RIC8A: variants seen among roughly 807,000 people sequenced by gnomAD.
RIC8A encodes RIC8 guanine nucleotide exchange factor A.
RIC8A carries 37 observed loss-of-function variants against 48.4 expected under a neutral mutation model. That is an observed-to-expected ratio of 0.77 (90% CI 0.59 to 1.01). The LOEUF is 1.01. Among genes scored for constraint, RIC8A ranks in the 50% least tolerant of loss-of-function variants. The pLI, the probability that RIC8A is intolerant of heterozygous loss-of-function variation, is 0.00. For synonymous variants in RIC8A, 288 were observed against 283.4 expected, an observed-to-expected ratio of 1.02 and a Z score of -0.16; for missense variants, 681 against 696.8, an observed-to-expected ratio of 0.98 and a Z score of 0.25.
At chr11:213,993 A>G (rs1855457264) in intron 9 of RIC8A, among the ~76,000 whole-genome samples, 1 of 152,180 alleles carries the variant, frequency 6.6e-6, no homozygotes, top group Non-Finnish European at 1.5e-5. Flanking sequence ...GAGATGGCCC[A>G]GTGTCCAAAT....
Position 208,974 on chromosome 11 carries a change from AG to A in RIC8A, c.84+41del, listed in dbSNP as rs767713984. On this transcript the variant is annotated intron_variant, in intron 1 of 9. Coordinates refer to ENST00000526104, the MANE Select transcript of RIC8A (RefSeq NM_001286134.2). The surrounding 1 kb of genome is among the most constrained non-coding windows in gnomAD (Gnocchi z 4.8). ...GCCTGAGGCCGGGGGGCGGGCACGG[AG>A]GGGGTGGGGCAGGGTCGTGCGCGGG... is the stretch of plus-strand genomic sequence containing the variant. The A allele has an allele frequency of 1.5e-5, 6 of 396,534 alleles. No individual in the cohort carries two copies. The African/African-American group carries it at 1.7e-4, about 11-fold the overall frequency. 24.6% of individuals were successfully genotyped at this position (396,534 alleles called of 1,614,324 possible).
At position 209,990 on chromosome 11, in the gene RIC8A, A is replaced by G; in HGVS notation, c.716A>G (p.Glu239Gly). The G allele has an allele frequency of 1.3e-6, 2 of 1,584,422 alleles. No homozygotes were observed. Among genetic ancestry groups the G allele is most frequent in the East Asian group, 2.2e-5 (1 of 44,600 alleles). The change falls in exon 3 of 10, where the codon GAG (glutamate) becomes GGG (glycine). Residue 239 changes from glutamate (E) to glycine (G), a missense_variant. Transcript: ENST00000526104. ...ATCACCCTGGACTCCATCAAGGGGG[A>G]GGTGGACGAGGTGAGCACTGACCTT... Reference protein sequence around the residue: ...FNITLDSIKGEVDEEDAALYR... With the variant: ...FNITLDSIKGGVDEEDAALYR...
At chr11:210,986 G>C (rs1855342740) in intron 4 of RIC8A, 5 of 612,184 alleles carry the variant, frequency 8.2e-6, no homozygotes, top group Non-Finnish European at 1.1e-5. Flanking sequence ...GAGGCAGTGT[G>C]TCTCAGTGCC....
chr11:212,704 C>T lies in RIC8A; in HGVS notation c.1155C>T (p.Asp385=). 6.2e-7 allele frequency: 1 copy of T among 1,614,090 alleles called. No individual in the cohort carries two copies. Among genetic ancestry groups the T allele is most frequent in the Non-Finnish European group, 8.5e-7 (1 of 1,180,030 alleles). The change falls in exon 7 of 10, where the codon GAC becomes GAT. Residue 385 remains aspartate, a synonymous_variant. Transcript: ENST00000526104. ...TTGTCCGCCTCATGACACACCTGGA[C>T]ACAGATGTGAAGAGGGTGGCTGCCG... ...NKLVRLMTHL[D]TDVKRVAAEF...
Position 208,959 on chromosome 11 carries a change from G to T in RIC8A, c.84+21G>T. 1 of 1,578,956 alleles carries T rather than the reference G, an allele frequency of 6.3e-7. No homozygotes were observed. The highest frequency in any genetic ancestry group is 8.6e-7 in the Non-Finnish European group (1 of 1,159,462). On this transcript the variant is annotated intron_variant, in intron 1 of 9. Coordinates refer to ENST00000526104, the MANE Select transcript of RIC8A (RefSeq NM_001286134.2). The surrounding 1 kb of genome is among the most constrained non-coding windows in gnomAD (Gnocchi z 4.8). Reference sequence around the variant, plus strand: ...AGGAGGTAAGCGGCCGCCTGAGGCCGGGGGGCGGGCACGGAGGGGGTGGGG... The same window carrying T: ...AGGAGGTAAGCGGCCGCCTGAGGCCTGGGGGCGGGCACGGAGGGGGTGGGG...
In RIC8A at chr11:207,795, A is replaced by C. The variant is rs1000980696; in HGVS notation, c.-1060A>C. On this transcript the variant is annotated 5_prime_UTR_variant, in exon 1 of 10. Coordinates refer to ENST00000526104, the MANE Select transcript of RIC8A (RefSeq NM_001286134.2). Reference sequence around the variant, plus strand: ...AAGGATTCACAGGCGGGTCATGAGGAAGGAGCAGACCCCTCGGGCAGAAGC... The same window carrying C: ...AAGGATTCACAGGCGGGTCATGAGGCAGGAGCAGACCCCTCGGGCAGAAGC... 5 of 159,332 alleles carry C rather than the reference A, an allele frequency of 3.1e-5. No individual in the cohort carries two copies. Among genetic ancestry groups the C allele is most frequent in the African/African-American group, 1.2e-4 (5 of 41,482 alleles). The allele number at this position is 159,332 out of a possible 1,614,324, so 9.9% of individuals were successfully genotyped here. A position where few individuals can be genotyped will look rare whatever the true frequency, so the allele number is the denominator to read the frequency against.
In RIC8A at chr11:209,498, G is replaced by A; in HGVS notation, c.224G>A (p.Arg75Gln). The change falls in exon 3 of 10, where the codon CGG becomes CAG. Residue 75 changes from arginine to glutamine, a missense_variant. Transcript: ENST00000526104. Reference protein sequence around the residue: ...IWLQSVRILSRDRNCLDPFTS... With the variant: ...IWLQSVRILSQDRNCLDPFTS... ...CTGCAGAGTGTCCGAATCCTGTCCCGGGACCGCAACTGCCTGGACCCGTTC... is the reference window on the plus strand; with the variant it reads ...CTGCAGAGTGTCCGAATCCTGTCCCAGGACCGCAACTGCCTGGACCCGTTC... 2.5e-6 allele frequency: 4 copies of A among 1,612,860 alleles called. No homozygotes were observed. Among genetic ancestry groups the A allele is most frequent in the Non-Finnish European group, 3.4e-6 (4 of 1,179,152 alleles).
Position 212,892 on chromosome 11 carries a change from C to G in RIC8A, c.1266C>G (p.Ala422=). Residue 422 remains alanine, a synonymous_variant, in exon 8 of 10, where the codon GCC becomes GCG. Transcript: ENST00000526104. ...GYGNAAGLLA[A]RGLMAGGRPE... ...GGAATGCTGCTGGCCTTCTGGCTGC[C>G]AGGGGCCTCATGGCAGGAGGCCGGC... 6.2e-7 allele frequency: 1 copy of G among 1,606,638 alleles called. No individual in the cohort carries two copies. The highest frequency in any genetic ancestry group is 8.5e-7 in the Non-Finnish European group (1 of 1,176,236).
intron 3 of RIC8A, 35 bp from the exon 4 acceptor site, chr11:210,536 G>A (rs768950247): frequency 1.3e-6 from 2 of 1,584,852 alleles, no homozygotes; most frequent in Middle Eastern, 1.7e-4. Context: ...GGGATGAGTG[G>A]GGCTCCTCAC....
In RIC8A at chr11:209,582, G is replaced by A. The variant is rs762272311; in HGVS notation, c.308G>A (p.Gly103Glu). The change falls in exon 3 of 10, where the codon GGG (glycine) becomes GAG (glutamate). Residue 103 changes from glycine to glutamate, a missense_variant. Transcript: ENST00000526104. ...ACYADISVSE[G>E]SVPESADMDV... Reference sequence around the variant, plus strand: ...TATGCTGACATCTCTGTCTCTGAGGGGTCCGTCCCAGAGTCCGCAGACATG... The same window carrying A: ...TATGCTGACATCTCTGTCTCTGAGGAGTCCGTCCCAGAGTCCGCAGACATG... The A allele has an allele frequency of 1.2e-6, 2 of 1,614,070 alleles. No individual in the cohort carries two copies. The highest frequency in any genetic ancestry group is 1.7e-5 in the Admixed American group (1 of 60,030).
rs1349409199 is a variant in RIC8A, at chr11:209,388, C to T, written c.133-19C>T. On this transcript the variant is annotated intron_variant, in intron 2 of 9. Transcript: ENST00000526104. ...CAGGAAGAAGGGCCTGGTGGAGCCG[C>T]TCTTCTCCCTGCCCACAGAGACTGG... The T allele has an allele frequency of 1.2e-6, 2 of 1,600,562 alleles. No individual in the cohort carries two copies. Among genetic ancestry groups the T allele is most frequent in the South Asian group, 1.1e-5 (1 of 89,986 alleles).
intron 7 of RIC8A, 27 bp downstream of exon 7, chr11:212,786 C>T (rs770079234): frequency 1.9e-6 from 3 of 1,612,352 alleles, no homozygotes; most frequent in Non-Finnish European, 2.5e-6. Flanking sequence ...CAGGTCCCAG[C>T]CCACCCCACC....
Position 210,661 on chromosome 11 carries a change from G to A in RIC8A, c.817G>A (p.Gly273Ser), listed in dbSNP as rs772146366. 10 of 1,613,746 alleles carry A rather than the reference G, an allele frequency of 6.2e-6. No individual in the cohort carries two copies. Among genetic ancestry groups the A allele is most frequent in the South Asian group, 4.4e-5 (4 of 91,074 alleles). ...TGGAGACCGCACAGAGGAGTTCCACGGGTGAGAATGGGGCTTTTTCTGGGA... is the reference window on the plus strand; with the variant it reads ...TGGAGACCGCACAGAGGAGTTCCACAGGTGAGAATGGGGCTTTTTCTGGGA... ...TAGDRTEEFH[G>S]HAVNLLGNLP... The change falls in exon 4 of 10, where the codon GGC becomes AGC. Residue 273 changes from glycine to serine, a missense_variant and splice_region_variant. Transcript: ENST00000526104.
chr11:211,173 A>C lies in RIC8A; in HGVS notation c.819-26A>C. ...CTGTGCTCAGGGATTAGCCCTGTTG[A>C]AACCCCTACCTCCATCTGTCCCCAG... On this transcript the variant is annotated intron_variant, in intron 4 of 9. Coordinates refer to ENST00000526104, the MANE Select transcript of RIC8A (RefSeq NM_001286134.2). This position sits in a 1 kb window ranked among gnomAD's most constrained non-coding sequence, Gnocchi z 4.0. 1 of 1,602,888 alleles carries C rather than the reference A, an allele frequency of 6.2e-7. No individual in the cohort carries two copies. The highest frequency in any genetic ancestry group is 8.5e-7 in the Non-Finnish European group (1 of 1,173,774).
In RIC8A at chr11:209,896, C is replaced by A. The variant is rs571957041; in HGVS notation, c.622C>A (p.Pro208Thr). 9.9e-6 allele frequency: 7 copies of A among 707,494 alleles called. No homozygotes were observed. In the South Asian group the frequency reaches 1.9e-4, roughly 20 times the overall value. 43.8% of individuals were successfully genotyped at this position (707,494 alleles called of 1,614,324 possible). Residue 208 changes from proline to threonine, a missense_variant, in exon 3 of 10, where the codon CCC becomes ACC. Physicochemically the swap from Pro to Thr is conservative, Grantham distance 38. Coordinates refer to ENST00000526104, the MANE Select transcript of RIC8A (RefSeq NM_001286134.2). ...GCTGGGGGTGACTCCTGAAGGGAAC[C>A]CCCCACCCACGCTCCTTCCTTCCCA... The part of the protein sequence containing the change: ...LTLGVTPEGN[P>T]PPTLLPSQET...
In RIC8A at chr11:212,755, G is replaced by C. The variant is rs146443208; in HGVS notation, c.1206G>C (p.Glu402Asp). Residue 402 changes from glutamate (E) to aspartate (D), a missense_variant, in exon 7 of 10, where the codon GAG becomes GAC. Glu to Asp is a conservative substitution (Grantham distance 45). Transcript: ENST00000526104. ...AAEFLFVLCSESVPRFIKYTG... is the reference protein window; with the variant it reads ...AAEFLFVLCSDSVPRFIKYTG... ...AGTTCTTGTTTGTCCTGTGCTCTGA[G>C]AGTGGTGAGTTATGGAGACCCAGGT... The C allele has an allele frequency of 6.2e-7, 1 of 1,614,068 alleles. No homozygotes were observed. The highest frequency in any genetic ancestry group is 2.2e-5 in the East Asian group (1 of 44,880).
At position 209,734 on chromosome 11, in the gene RIC8A, A is replaced by G. The variant is rs1855298332; in HGVS notation, c.460A>G (p.Arg154Gly). The part of the protein sequence containing the change: ...LTERVGLYRE[R>G]SFPHDVQFFD... Reference sequence around the variant, plus strand: ...AGAGCGTGTGGGGCTGTACCGTGAGAGGAGCTTCCCCCACGATGTCCAGTT... The same window carrying G: ...AGAGCGTGTGGGGCTGTACCGTGAGGGGAGCTTCCCCCACGATGTCCAGTT... Residue 154 changes from arginine (R) to glycine (G), a missense_variant, in exon 3 of 10, where the codon AGG becomes GGG. Coordinates refer to ENST00000526104, the MANE Select transcript of RIC8A (RefSeq NM_001286134.2). 3 of 1,614,030 alleles carry G rather than the reference A, an allele frequency of 1.9e-6. No homozygotes were observed. The highest frequency in any genetic ancestry group is 3.3e-4 in the Middle Eastern group (2 of 6,062).
In RIC8A at chr11:212,749, C is replaced by T; in HGVS notation, c.1200C>T (p.Cys400=). 6.2e-7 allele frequency: 1 copy of T among 1,614,060 alleles called. No homozygotes were observed. Among genetic ancestry groups the T allele is most frequent in the Non-Finnish European group, 8.5e-7 (1 of 1,180,006 alleles). Residue 400 remains cysteine (C), a synonymous_variant, in exon 7 of 10, where the codon TGC becomes TGT. Coordinates refer to ENST00000526104, the MANE Select transcript of RIC8A (RefSeq NM_001286134.2). Reference sequence around the variant, plus strand: ...CTGCCGAGTTCTTGTTTGTCCTGTGCTCTGAGAGTGGTGAGTTATGGAGAC... The same window carrying T: ...CTGCCGAGTTCTTGTTTGTCCTGTGTTCTGAGAGTGGTGAGTTATGGAGAC... ...RVAAEFLFVL[C]SESVPRFIKY...
Position 211,508 on chromosome 11 carries a change from G to T in RIC8A, c.969+159G>T. 1.3e-6 allele frequency: 1 copy of T among 741,948 alleles called. No individual in the cohort carries two copies. The highest frequency in any genetic ancestry group is 2.1e-6 in the Non-Finnish European group (1 of 477,958). 46.0% of individuals were successfully genotyped at this position (741,948 alleles called of 1,614,324 possible). ...TTCCGGTTGTTCTGTGGTCCAGCCTGGCAAGAAGCCAGACCCTTCCTCCAT... is the reference window on the plus strand; with the variant it reads ...TTCCGGTTGTTCTGTGGTCCAGCCTTGCAAGAAGCCAGACCCTTCCTCCAT... On this transcript the variant is annotated intron_variant, in intron 5 of 9. Coordinates refer to ENST00000526104, the MANE Select transcript of RIC8A (RefSeq NM_001286134.2). This position sits in a 1 kb window ranked among gnomAD's most constrained non-coding sequence, Gnocchi z 4.0.
Sources: allele counts gnomAD v4.1 joint callset (sites outside exome capture counted in the v4.1 genomes callset), GRCh38; gene constraint gnomAD v4.1.1; non-coding constraint Gnocchi (gnomAD v3.1); transcripts MANE v1.5; gene names NCBI Gene and HGNC (gene_info 2026-07-23, HGNC 2026-07-21).